HHAT: variants seen among roughly 807,000 people sequenced by gnomAD.
HHAT encodes hedgehog acyltransferase, also known as protein-cysteine N-palmitoyltransferase HHAT.
Under a neutral mutation model 70.8 loss-of-function variants are expected in HHAT, and 47 were observed. That is an observed-to-expected ratio of 0.66 (90% CI 0.53 to 0.85). The LOEUF (loss-of-function observed/expected upper bound fraction) is 0.85, where lower values mean the gene tolerates loss of function less well. HHAT is among the 40% of genes least tolerant of loss of function. The pLI is 0.00. For missense variants in HHAT, 609 were observed against 604.8 expected, an observed-to-expected ratio of 1.01 and a Z score of -0.07; for synonymous variants, 228 against 247.6, an observed-to-expected ratio of 0.92 and a Z score of 0.74.
At chr1:210,619,969 C>T (rs1462427958) in intron 10 of HHAT, among the ~76,000 whole-genome samples, 2 of 152,192 alleles carry the variant, frequency 1.3e-5, no homozygotes, top group African/African-American at 4.8e-5. Context: ...TCCCCCATTT[C>T]GTTTATAATT....
intron 7 of HHAT, among the ~76,000 whole-genome samples, chr1:210,451,373 T>A (rs2093753864): frequency 1.3e-5 from 2 of 152,242 alleles, no homozygotes; most frequent in Non-Finnish European, 2.9e-5. Context: ...GATAACTCAG[T>A]GATGAATGTC....
chr1:210,674,280 C>A lies in HHAT; in HGVS notation c.1391-8C>A. 7.5e-6 allele frequency: 12 copies of A among 1,610,328 alleles called. No homozygotes were observed. Among genetic ancestry groups the A allele is most frequent in the Non-Finnish European group, 1.0e-5 (12 of 1,176,558 alleles). On this transcript the variant is annotated splice_polypyrimidine_tract_variant and splice_region_variant and intron_variant, in intron 11 of 11. Transcript: ENST00000261458. Reference sequence around the variant, plus strand: ...AACTGCTCTTCCATCTCTGTCCTCCCTCTGCAGGCTGGCCTTGGGTGACCC... The same window carrying A: ...AACTGCTCTTCCATCTCTGTCCTCCATCTGCAGGCTGGCCTTGGGTGACCC...
At chr1:210,336,432 G>A (rs552126679) in intron 1 of HHAT, among the ~76,000 whole-genome samples, 18 of 151,778 alleles carry the variant, frequency 1.2e-4, no homozygotes, top group Admixed American at 2.6e-4. Flanking sequence ...CTGGCCTGGC[G>A]TGCAGTTTTT....
intron 6 of HHAT, among the ~76,000 whole-genome samples, chr1:210,410,294 G>A (rs1031699040): frequency 2.0e-5 from 3 of 151,652 alleles, no homozygotes; most frequent in African/African-American, 7.3e-5. Flanking sequence ...CTGACCTTGT[G>A]ATCCACCCGC....
chr1:210,373,506 G>A (rs1479446736), intron 3 of HHAT, among the ~76,000 whole-genome samples: 1 of 152,170 alleles, frequency 6.6e-6, no homozygotes, highest in Non-Finnish European at 1.5e-5. Context: ...AAAGTGGGGT[G>A]TCTTTGTGTG....
intron 8 of HHAT, among the ~76,000 whole-genome samples, chr1:210,501,827 C>T (rs2094760337): frequency 6.6e-6 from 1 of 152,120 alleles, no homozygotes; most frequent in Admixed American, 6.6e-5. Context: ...CAAAAACTGG[C>T]ACATCAAGAA....
intron 10 of HHAT, among the ~76,000 whole-genome samples, chr1:210,610,137 A>G (rs1426917206): frequency 6.6e-6 from 1 of 152,178 alleles, no homozygotes; most frequent in Non-Finnish European, 1.5e-5. Flanking sequence ...CCAACAGTGT[A>G]AAAGTGTTTT....
intron 5 of HHAT, among the ~76,000 whole-genome samples, chr1:210,401,025 ATG>A (rs2092045071): frequency 6.6e-6 from 1 of 152,226 alleles, no homozygotes; most frequent in African/African-American, 2.4e-5. Context: ...TTTATAGGGA[ATG>A]CACACATCAC....
chr1:210,559,897 C>T (rs1270113739), intron 9 of HHAT, among the ~76,000 whole-genome samples: 1 of 152,178 alleles, frequency 6.6e-6, no homozygotes, highest in Non-Finnish European at 1.5e-5. Context: ...TTCCCAAAGA[C>T]ATTTCTAATG....
chr1:210,653,440 G>T (rs1383670225), intron 11 of HHAT, among the ~76,000 whole-genome samples: 1 of 150,808 alleles, frequency 6.6e-6, no homozygotes, highest in Non-Finnish European at 1.5e-5. Context: ...TGAGGTGGGA[G>T]AATTGCTTGA....
chr1:210,662,679 A>T (rs534315490), intron 11 of HHAT, among the ~76,000 whole-genome samples: 35 of 149,898 alleles, frequency 2.3e-4, no homozygotes, highest in Non-Finnish European at 4.3e-4. Flanking sequence ...TTTTTTCAGC[A>T]CCCCTTCTGC....
intron 8 of HHAT, among the ~76,000 whole-genome samples, chr1:210,475,160 T>C (rs1000573198): frequency 1.3e-5 from 2 of 152,068 alleles, no homozygotes; most frequent in Admixed American, 6.6e-5. Context: ...TGTGCCGAGC[T>C]CACCCCAGTT....
At chr1:210,478,898 C>T (rs1052655158) in intron 8 of HHAT, among the ~76,000 whole-genome samples, 2 of 152,128 alleles carry the variant, frequency 1.3e-5, no homozygotes, top group Non-Finnish European at 2.9e-5. Context: ...TGGACCCCTT[C>T]CCTCCATAAT....
At chr1:210,389,367 C>T (rs1486330470) in intron 4 of HHAT, among the ~76,000 whole-genome samples, 2 of 152,138 alleles carry the variant, frequency 1.3e-5, no homozygotes, top group Non-Finnish European at 2.9e-5. Context: ...CTCTTTTCCT[C>T]TTCTTATAAA....
intron 11 of HHAT, among the ~76,000 whole-genome samples, chr1:210,647,340 G>GGT (rs557028321): frequency 6.6e-6 from 1 of 152,142 alleles, no homozygotes; most frequent in Non-Finnish European, 1.5e-5. Context: ...TACATTCTGA[G>GGT]GTACTAAGAG....
At chr1:210,409,281 CAA>C (rs1396995026) in intron 6 of HHAT, among the ~76,000 whole-genome samples, 2 of 152,124 alleles carry the variant, frequency 1.3e-5, no homozygotes, top group African/African-American at 4.8e-5. Context: ...TGAAGGGAAT[CAA>C]GACATGAGCC....
intron 10 of HHAT, among the ~76,000 whole-genome samples, chr1:210,605,327 G>C (rs1469190705): frequency 6.6e-6 from 1 of 152,144 alleles, no homozygotes; most frequent in African/African-American, 2.4e-5. Flanking sequence ...CATGATCTAA[G>C]CTTCCTGGAT....
At chr1:210,527,347 C>T (rs1268143315) in intron 9 of HHAT, among the ~76,000 whole-genome samples, 1 of 152,184 alleles carries the variant, frequency 6.6e-6, no homozygotes, top group African/African-American at 2.4e-5. Flanking sequence ...ATGCATTACT[C>T]TTGACCATGT....
At chr1:210,401,495 G>A (rs570253500) in intron 5 of HHAT, among the ~76,000 whole-genome samples, 4 of 152,268 alleles carry the variant, frequency 2.6e-5, no homozygotes, top group South Asian at 4.1e-4. Flanking sequence ...GTTTAGCCCC[G>A]AAGGGCACAG....
Sources: allele counts gnomAD v4.1 joint callset (sites outside exome capture counted in the v4.1 genomes callset), GRCh38; gene constraint gnomAD v4.1.1; transcripts MANE v1.5; gene names NCBI Gene and HGNC (gene_info 2026-07-23, HGNC 2026-07-21).